The following ATP8B4 variants were observed in gnomAD, a reference collection of about 807,000 sequenced individuals.
The protein encoded by ATP8B4 is ATPase phospholipid transporting 8B4 (putative), also known as probable phospholipid-transporting ATPase IM.
ATP8B4 carries 133 observed loss-of-function variants against 145.6 expected under a neutral mutation model. The ratio of observed to expected loss-of-function variants is 0.91; its 90% confidence interval spans 0.79 to 1.05. The LOEUF is 1.05. Ranked by LOEUF, ATP8B4 falls within the 50% of genes least tolerant of loss-of-function variation. The pLI, the probability that ATP8B4 is intolerant of heterozygous loss-of-function variation, is 0.00. For missense variants in ATP8B4, 1,458 were observed against 1,425.2 expected, an observed-to-expected ratio of 1.02 and a Z score of -0.37; for synonymous variants, 507 against 492.9, an observed-to-expected ratio of 1.03 and a Z score of -0.38.
intron 26 of ATP8B4, among the ~76,000 whole-genome samples, chr15:49,865,278 C>G (rs2032584979): frequency 6.6e-6 from 1 of 152,210 alleles, no homozygotes; most frequent in Non-Finnish European, 1.5e-5. Context: ...TCCTGGAGGG[C>G]AGCATGCCTG....
At chr15:50,050,019 C>A (rs1160375935) in intron 3 of ATP8B4, among the ~76,000 whole-genome samples, 3 of 152,148 alleles carry the variant, frequency 2.0e-5, no homozygotes, top group Admixed American at 6.5e-5. Flanking sequence ...TAGACCAAGT[C>A]TAAGGCCTTT....
intron 2 of ATP8B4, among the ~76,000 whole-genome samples, chr15:50,098,317 G>C (rs997168016): frequency 4.9e-5 from 5 of 102,720 alleles, no homozygotes; most frequent in Non-Finnish European, 8.7e-5. Flanking sequence ...TTTTAGATAG[G>C]GTCTCACTCT....
intron 7 of ATP8B4, 124 bp from the exon 8 acceptor site, chr15:50,002,347 G>A (rs150924631): frequency 1.1e-3 from 798 of 734,270 alleles, no homozygotes; most frequent in Non-Finnish European, 1.6e-3. Flanking sequence ...TAAAAGAAGT[G>A]AGATCCTGTT....
chr15:49,933,188 A>G (rs924409059), intron 15 of ATP8B4, among the ~76,000 whole-genome samples: 1 of 152,206 alleles, frequency 6.6e-6, no homozygotes, highest in African/African-American at 2.4e-5. Flanking sequence ...AACAGAAACA[A>G]TGCAGAATAA....
intron 2 of ATP8B4, among the ~76,000 whole-genome samples, chr15:50,087,102 ATAGAT>A (rs199520470): frequency 0.36 from 41,100 of 114,216 alleles, 8,938 homozygotes; most frequent in East Asian, 0.7. Flanking sequence ...TATAATAAAT[ATAGAT>A]TATATTTATT....
intron 1 of ATP8B4, among the ~76,000 whole-genome samples, chr15:50,131,357 TAAAG>T (rs954752187): frequency 1.3e-5 from 2 of 152,172 alleles, no homozygotes; most frequent in Admixed American, 6.5e-5. Context: ...CCTTTACAGA[TAAAG>T]AATCAGAGAA....
At chr15:49,873,376 T>C (rs1166389246) in intron 25 of ATP8B4, among the ~76,000 whole-genome samples, 1 of 152,202 alleles carries the variant, frequency 6.6e-6, no homozygotes, top group Non-Finnish European at 1.5e-5. Flanking sequence ...TAGTGAAATG[T>C]AGACGCAATC....
In ATP8B4 at chr15:50,085,962, T is replaced by TA. The variant is rs1567331326; in HGVS notation, c.29-11778_29-11777insT. 5.3e-3 allele frequency among the ~76,000 whole-genome samples: 290 copies of TA among 55,210 alleles called. 37 individuals are homozygous for TA. Among genetic ancestry groups the TA allele is most frequent in the African/African-American group, 0.024 (266 of 10,882 alleles). 36.2% of individuals were successfully genotyped at this position (55,210 alleles called of 152,430 possible). Reference sequence around the variant, plus strand: ...TTATATATGATATATATCATATATATTTATATATGATATATCAAATATATC... The same window carrying TA: ...TTATATATGATATATATCATATATATATTATATATGATATATCAAATATATC... On this transcript the variant is annotated intron_variant, in intron 2 of 27. Transcript: ENST00000284509.
rs968646175 is a variant in ATP8B4, at chr15:49,900,226, C to G, written c.2289+866G>C. On this transcript the variant is annotated intron_variant, in intron 21 of 27. Transcript: ENST00000284509. ...TGTAGAAGGCAACACATCATTATGT[C>G]TGGAATCCAGCTGGATAATGCTCTA... 2.0e-5 allele frequency among the ~76,000 whole-genome samples: 3 copies of G among 152,172 alleles called. No homozygotes were observed. In the South Asian group the frequency reaches 6.2e-4, roughly 31 times the overall value.
Position 49,859,911 on chromosome 15 carries a change from G to GTA in ATP8B4, c.*282_*283insTA, listed in dbSNP as rs1279959573. The GTA allele has an allele frequency of 1.0e-4, 36 of 361,276 alleles. No homozygotes were observed. Among genetic ancestry groups the GTA allele is most frequent in the Non-Finnish European group, 1.7e-4 (34 of 202,950 alleles). 22.4% of individuals were successfully genotyped at this position (361,276 alleles called of 1,614,324 possible). ...CCATAAATAAGATTCTAAAGTTCAGGTCAATTGGTATCTAGGTTGATTTAA... is the reference window on the plus strand; with the variant it reads ...CCATAAATAAGATTCTAAAGTTCAGGTATCAATTGGTATCTAGGTTGATTTAA... On this transcript the variant is annotated 3_prime_UTR_variant, in exon 28 of 28. Coordinates refer to ENST00000284509, the MANE Select transcript of ATP8B4 (RefSeq NM_024837.4).
intron 6 of ATP8B4, among the ~76,000 whole-genome samples, chr15:50,035,485 TTA>T (rs2050765103): frequency 6.6e-6 from 1 of 152,196 alleles, no homozygotes; most frequent in African/African-American, 2.4e-5. Context: ...ACGTAGACTC[TTA>T]CCTGCCATGA....
At chr15:49,962,048 A>C (rs372867367) in intron 13 of ATP8B4, 28 bp from the exon 14 acceptor site, 1 of 1,558,044 alleles carries the variant, frequency 6.4e-7, no homozygotes, top group South Asian at 1.2e-5. Flanking sequence ...GAGAATTAAA[A>C]GTAAGTGAAA....
chr15:50,050,742 T>TC (rs2052114843), intron 3 of ATP8B4, among the ~76,000 whole-genome samples: 1 of 152,138 alleles, frequency 6.6e-6, no homozygotes. Flanking sequence ...TAATATGTTT[T>TC]ATATAAAACA....
chr15:50,091,311 C>A (rs565099732), intron 2 of ATP8B4, among the ~76,000 whole-genome samples: 1 of 152,010 alleles, frequency 6.6e-6, no homozygotes, highest in Non-Finnish European at 1.5e-5. Flanking sequence ...CAGATTCTGG[C>A]TCAAATACTG....
At chr15:50,074,600 C>A (rs4451890) in intron 2 of ATP8B4, among the ~76,000 whole-genome samples, 2 of 152,254 alleles carry the variant, frequency 1.3e-5, no homozygotes, top group South Asian at 2.1e-4. Context: ...CCATACAGAA[C>A]TGGCCAGTGA....
At chr15:49,884,612 A>AG (rs2035937078) in intron 23 of ATP8B4, among the ~76,000 whole-genome samples, 1 of 118,094 alleles carries the variant, frequency 8.5e-6, no homozygotes, top group Admixed American at 8.7e-5. Flanking sequence ...CCAAAAAAAA[A>AG]GAAAAAAAAA....
intron 10 of ATP8B4, 147 bp downstream of exon 10, chr15:49,987,244 C>A (rs1352351474): frequency 1.4e-5 from 13 of 941,780 alleles, no homozygotes; most frequent in South Asian, 4.8e-5. Flanking sequence ...TTTCTCCTGG[C>A]ATCCTACAAT....
chr15:49,969,977 CAATAAATAT>C (rs1417228813), intron 13 of ATP8B4, among the ~76,000 whole-genome samples: 1 of 152,110 alleles, frequency 6.6e-6, no homozygotes, highest in East Asian at 1.9e-4. Flanking sequence ...ATATGCAAAC[CAATAAATAT>C]AATCCATCAC....
intron 1 of ATP8B4, among the ~76,000 whole-genome samples, chr15:50,131,452 T>C (rs1252787124): frequency 6.6e-6 from 1 of 152,186 alleles, no homozygotes; most frequent in Non-Finnish European, 1.5e-5. Context: ...AGTCTGGTTC[T>C]AGAATCTATG....
Sources: gnomAD v4.1 joint callset for allele counts (sites outside exome capture counted in the v4.1 genomes callset) on GRCh38, gnomAD v4.1.1 for gene constraint, MANE v1.5 for transcripts, NCBI Gene and HGNC (gene_info 2026-07-23, HGNC 2026-07-21) for gene names.